Variants in VAV2 observed in about 807,000 individuals in gnomAD.
VAV2 encodes the protein vav guanine nucleotide exchange factor 2.
Under a neutral mutation model 132.5 loss-of-function variants are expected in VAV2, and 67 were observed. That is an observed-to-expected ratio of 0.51 (90% CI 0.42 to 0.62). VAV2 has a LOEUF of 0.62. VAV2 is among the 20% of genes least tolerant of loss of function. The pLI is 0.00. For synonymous variants in VAV2, 492 were observed against 443.5 expected (o/e 1.11, Z -1.37); for missense variants, 938 against 1,153.6 (o/e 0.81, Z 2.71).
At position 133,806,046 on chromosome 9, in the gene VAV2, G is replaced by A. The variant is rs751557806; in HGVS notation, c.836+35C>T. 3.8e-6 allele frequency: 6 copies of A among 1,596,886 alleles called. No individual in the cohort carries two copies. In the South Asian group the frequency reaches 5.6e-5, roughly 15 times the overall value. On this transcript the variant is annotated intron_variant, in intron 9 of 29. Transcript: ENST00000371850. The stretch of plus-strand genomic sequence containing the variant: ...TGTAAACTCTCCCGCAGACAGGGAG[G>A]GGCCAAGGAGCCCCAGGAGCCGGCA...
At chr9:133,770,191 G>A (rs1313900475) in intron 27 of VAV2, among the ~76,000 whole-genome samples, 187 bp downstream of exon 27, 1 of 152,220 alleles carries the variant, frequency 6.6e-6, no homozygotes, top group Non-Finnish European at 1.5e-5. Flanking sequence ...CAGAGTCCCC[G>A]CCTGTCACAT....
At position 133,789,305 on chromosome 9, in the gene VAV2, G is replaced by A. The variant is rs766717402; in HGVS notation, c.1227C>T (p.Asp409=). The change falls in exon 14 of 30, where the codon GAC becomes GAT. Residue 409 remains aspartate (D), a synonymous_variant. Transcript: ENST00000371850. The part of the protein sequence containing the change: ...KLEEFGRPKI[D]GELKVRSIVN... ...CTATGGACCGGACTTTCAGTTCCCC[G>A]TCAATCTTTGGTCTTCCAAATTCCT... 61 of 1,614,010 alleles carry A rather than the reference G, an allele frequency of 3.8e-5. No homozygotes were observed. In the East Asian group the frequency reaches 7.1e-4, roughly 19 times the overall value.
intron 15 of VAV2, among the ~76,000 whole-genome samples, chr9:133,787,931 C>T (rs1364172178): frequency 1.3e-5 from 2 of 152,230 alleles, no homozygotes; most frequent in Non-Finnish European, 2.9e-5. Context: ...CACAGCCCTC[C>T]TCCAAGCACC....
intron 3 of VAV2, among the ~76,000 whole-genome samples, chr9:133,838,366 G>A (rs1836553716): frequency 6.7e-6 from 1 of 150,350 alleles, no homozygotes; most frequent in Admixed American, 6.7e-5. Context: ...GGATGAGTAG[G>A]TGGAGGATAG....
intron 2 of VAV2, among the ~76,000 whole-genome samples, chr9:133,868,058 C>T (rs114879208): frequency 1.3e-5 from 2 of 152,378 alleles, no homozygotes; most frequent in East Asian, 3.9e-4. Flanking sequence ...GAGAGAGCCA[C>T]TGGCTTCTCC....
chr9:133,906,849 C>T (rs897365094), intron 2 of VAV2, among the ~76,000 whole-genome samples: 1 of 152,206 alleles, frequency 6.6e-6, no homozygotes, highest in African/African-American at 2.4e-5. Context: ...TGGCTCTACA[C>T]CGGGGGCCAC....
chr9:133,828,243 G>A (rs113635537), intron 4 of VAV2, among the ~76,000 whole-genome samples: 757 of 8,808 alleles, frequency 0.086, 39 homozygotes, highest in East Asian at 0.18. Flanking sequence ...GCGCCCACTG[G>A]GGCTGACCAC....
Position 133,834,390 on chromosome 9 carries a change from C to G in VAV2, c.381-50G>C. 1 of 1,580,824 alleles carries G rather than the reference C, an allele frequency of 6.3e-7. No homozygotes were observed. The highest frequency in any genetic ancestry group is 8.6e-7 in the Non-Finnish European group (1 of 1,159,772). On this transcript the variant is annotated intron_variant, in intron 3 of 29. Coordinates refer to ENST00000371850, the MANE Select transcript of VAV2 (RefSeq NM_001134398.2). This position sits in a 1 kb window ranked among gnomAD's most constrained non-coding sequence, Gnocchi z 5.9. ...GGTGAGCAGGTCCCGGCACTGCCGG[C>G]CAGTGGGACCCCAGCTGGACCCCAC...
rs1163871461 is a variant in VAV2 at position 133,769,857 on chromosome 9, A to G, written c.2348-354T>C. Among the ~76,000 whole-genome samples, 1 of 152,156 alleles carries G rather than the reference A, an allele frequency of 6.6e-6. No individual in the cohort carries two copies. Among genetic ancestry groups the G allele is most frequent in the Non-Finnish European group, 1.5e-5 (1 of 68,024 alleles). On this transcript the variant is annotated intron_variant, in intron 27 of 29. Transcript: ENST00000371850. The surrounding 1 kb of genome is among the most constrained non-coding windows in gnomAD (Gnocchi z 8.1). ...TGTGTGAGACCCATGGCCCTGCAGG[A>G]CCCTGCAGGCTGGAGGACGTGGGGT...
chr9:133,892,459 G>C (rs1839016794), intron 2 of VAV2, among the ~76,000 whole-genome samples: 1 of 151,992 alleles, frequency 6.6e-6, no homozygotes, highest in Non-Finnish European at 1.5e-5. Context: ...ACACACCTCT[G>C]TCTATAAGCA....
chr9:133,839,595 G>A (rs570122175), intron 3 of VAV2, among the ~76,000 whole-genome samples: 165 of 151,812 alleles, frequency 1.1e-3, no homozygotes, highest in South Asian at 1.9e-3. Flanking sequence ...GATTACAGGC[G>A]CCCACCCCGA....
intron 3 of VAV2, among the ~76,000 whole-genome samples, chr9:133,839,241 T>C (rs530156037): frequency 6.6e-6 from 1 of 151,964 alleles, no homozygotes; most frequent in African/African-American, 2.4e-5. Flanking sequence ...CATGGGTGCA[T>C]GGATGCATGT....
At chr9:133,848,279 CAAAAAA>C (rs34908811) in intron 3 of VAV2, among the ~76,000 whole-genome samples, 4,842 of 48,674 alleles carry the variant, frequency 0.099, 203 homozygotes, top group African/African-American at 0.21. Flanking sequence ...GACTCCGTCT[CAAAAAA>C]AAAAAAAAAA....
At chr9:133,783,230 A>G (rs1172409771) in intron 19 of VAV2, among the ~76,000 whole-genome samples, 2 of 152,064 alleles carry the variant, frequency 1.3e-5, no homozygotes, top group Admixed American at 1.3e-4. Flanking sequence ...TTCCTCCTGG[A>G]GTGGGGCAGG....
chr9:133,787,346 C>T (rs1834269542), intron 15 of VAV2, 86 bp from the exon 16 acceptor site: 6 of 1,374,180 alleles, frequency 4.4e-6, no homozygotes, highest in Admixed American at 2.7e-5. Context: ...AGTGTGGAGG[C>T]GCCAGGAGCC....
At chr9:133,924,135 A>G (rs1840390072) in intron 2 of VAV2, among the ~76,000 whole-genome samples, 1 of 152,208 alleles carries the variant, frequency 6.6e-6, no homozygotes, top group Non-Finnish European at 1.5e-5. Context: ...AACTTAAAGT[A>G]TAATTTTTAA....
intron 3 of VAV2, among the ~76,000 whole-genome samples, chr9:133,851,895 GGATGGATGGATGGGTGGA>G (rs1289522122): frequency 7.5e-5 from 11 of 147,508 alleles, no homozygotes; most frequent in African/African-American, 2.9e-4. Context: ...ATGCATGGAT[GGATGGATGGATGGGTGGA>G]TGGATGGATG....
chr9:133,817,451 G>A (rs374938327), intron 4 of VAV2, among the ~76,000 whole-genome samples: 13 of 152,216 alleles, frequency 8.5e-5, no homozygotes, highest in African/African-American at 2.6e-4. Context: ...TCAGGAGTTC[G>A]AGGCCAGCCT....
intron 4 of VAV2, among the ~76,000 whole-genome samples, chr9:133,819,448 CA>C (rs532943477): frequency 1.1e-3 from 153 of 136,210 alleles, no homozygotes; most frequent in Non-Finnish European, 1.2e-3. Flanking sequence ...GGCTCCGTCT[CA>C]AAAAAAAAAA....
Sources: allele counts gnomAD v4.1 joint callset (sites outside exome capture counted in the v4.1 genomes callset), GRCh38; gene constraint gnomAD v4.1.1; non-coding constraint Gnocchi (gnomAD v3.1); transcripts MANE v1.5; gene names NCBI Gene and HGNC (gene_info 2026-07-23, HGNC 2026-07-21).